SCFD2: variants seen among roughly 807,000 people sequenced by gnomAD.
The protein encoded by SCFD2 is sec1 family domain containing 2, also known as sec1 family domain-containing protein 2.
SCFD2 carries 54 observed loss-of-function variants against 58.9 expected under a neutral mutation model. The observed-to-expected ratio is 0.92, with a 90% CI of 0.74 to 1.15. The LOEUF (loss-of-function observed/expected upper bound fraction) is 1.15. Ranked by LOEUF, SCFD2 falls within the 50% of genes most tolerant of loss-of-function variation. SCFD2 has a pLI of 0.00. For synonymous variants in SCFD2, 321 were observed against 335.9 expected (o/e 0.96, Z 0.49); for missense variants, 805 against 836.6 (o/e 0.96, Z 0.47).
intron 4 of SCFD2, among the ~76,000 whole-genome samples, chr4:53,232,902 G>C (rs1729483216): frequency 6.6e-6 from 1 of 152,158 alleles, no homozygotes; most frequent in African/African-American, 2.4e-5. Flanking sequence ...AACAGAGGGA[G>C]ATAGCAAGGC....
At chr4:52,913,945 C>T (rs1719545888) in intron 6 of SCFD2, among the ~76,000 whole-genome samples, 1 of 152,168 alleles carries the variant, frequency 6.6e-6, no homozygotes, top group African/African-American at 2.4e-5. Flanking sequence ...GAAGAAAAGG[C>T]AATGGAGTTT....
chr4:53,121,550 AG>A (rs1725478159), intron 5 of SCFD2, among the ~76,000 whole-genome samples: 1 of 152,214 alleles, frequency 6.6e-6, no homozygotes, highest in Admixed American at 6.5e-5. Flanking sequence ...AGAAGGATAG[AG>A]GCTGATTGAA....
chr4:53,357,724 G>C (rs1734440493), intron 1 of SCFD2, among the ~76,000 whole-genome samples: 1 of 152,180 alleles, frequency 6.6e-6, no homozygotes, highest in Admixed American at 6.5e-5. Flanking sequence ...TGGAAAAGCA[G>C]ATCGGGGAGA....
chr4:53,032,313 C>T (rs1487773811), intron 5 of SCFD2, among the ~76,000 whole-genome samples: 2 of 152,106 alleles, frequency 1.3e-5, no homozygotes, highest in East Asian at 1.9e-4. Context: ...AGGGAACAAT[C>T]GGTACCAGCC....
intron 5 of SCFD2, among the ~76,000 whole-genome samples, chr4:52,975,747 A>G (rs1353304618): frequency 4.6e-5 from 7 of 152,140 alleles, no homozygotes; most frequent in Non-Finnish European, 1.0e-4. Flanking sequence ...GGCACTATTC[A>G]CAATAGCAAA....
At chr4:52,992,007 A>G (rs982903679) in intron 5 of SCFD2, among the ~76,000 whole-genome samples, 1 of 151,240 alleles carries the variant, frequency 6.6e-6, no homozygotes, top group Non-Finnish European at 1.5e-5. Flanking sequence ...CTCTCCCCAC[A>G]GTCTCCCTCT....
intron 5 of SCFD2, among the ~76,000 whole-genome samples, chr4:53,054,083 C>T (rs1723256877): frequency 6.6e-6 from 1 of 152,084 alleles, no homozygotes; most frequent in Non-Finnish European, 1.5e-5. Context: ...TCTCTTCATC[C>T]TCCCCTCCTC....
chr4:53,231,597 C>A (rs1359889124), intron 4 of SCFD2, among the ~76,000 whole-genome samples: 2 of 152,042 alleles, frequency 1.3e-5, no homozygotes, highest in African/African-American at 4.8e-5. Context: ...ATGAATTATT[C>A]TTAAGGAGAA....
chr4:53,338,462 A>C (rs1274872328), intron 2 of SCFD2, among the ~76,000 whole-genome samples: 2 of 152,130 alleles, frequency 1.3e-5, no homozygotes, highest in African/African-American at 4.8e-5. Flanking sequence ...CCAAGGAAAA[A>C]TTCTGAAAGC....
At chr4:52,969,677 A>C (rs1721048364) in intron 5 of SCFD2, among the ~76,000 whole-genome samples, 1 of 152,146 alleles carries the variant, frequency 6.6e-6, no homozygotes, top group Non-Finnish European at 1.5e-5. Context: ...TGTCCTGATG[A>C]GGTCTGACCC....
At chr4:52,961,803 C>A (rs1332488747) in intron 5 of SCFD2, among the ~76,000 whole-genome samples, 1 of 152,180 alleles carries the variant, frequency 6.6e-6, no homozygotes, top group East Asian at 1.9e-4. Flanking sequence ...TTTCAGCCTG[C>A]AGATTCTGTG....
chr4:53,150,302 T>A (rs1228749156), intron 4 of SCFD2, among the ~76,000 whole-genome samples: 1 of 152,088 alleles, frequency 6.6e-6, no homozygotes, highest in Admixed American at 6.5e-5. Flanking sequence ...TCAGCCAAGA[T>A]AAGGGACTGA....
chr4:53,339,617 A>G (rs958967798), intron 2 of SCFD2, among the ~76,000 whole-genome samples: 3 of 152,086 alleles, frequency 2.0e-5, no homozygotes, highest in Non-Finnish European at 2.9e-5. Context: ...AAAAAACATA[A>G]AAGTTAGCCA....
chr4:53,271,955 C>G (rs192035036), intron 4 of SCFD2, among the ~76,000 whole-genome samples: 10 of 152,288 alleles, frequency 6.6e-5, no homozygotes, highest in Admixed American at 6.5e-4. Flanking sequence ...ATCTACTCAT[C>G]TGACAAATGG....
intron 4 of SCFD2, among the ~76,000 whole-genome samples, chr4:53,188,087 G>A (rs531264965): frequency 6.6e-6 from 1 of 151,950 alleles, no homozygotes. Flanking sequence ...CAACTCAAGG[G>A]AACATCCTAT....
chr4:53,346,267 CTTTT>C (rs1333991064), intron 2 of SCFD2, among the ~76,000 whole-genome samples: 3 of 135,464 alleles, frequency 2.2e-5, no homozygotes, highest in African/African-American at 5.2e-5. Flanking sequence ...GGCCTCAAAT[CTTTT>C]TTTTTCTTTT....
intron 4 of SCFD2, among the ~76,000 whole-genome samples, chr4:53,191,788 G>A (rs1397271866): frequency 1.3e-5 from 2 of 152,186 alleles, no homozygotes; most frequent in African/African-American, 4.8e-5. Flanking sequence ...AAAAAGGTTT[G>A]TCTATTGGAA....
intron 7 of SCFD2, among the ~76,000 whole-genome samples, chr4:52,894,429 C>A (rs967261754): frequency 1.3e-5 from 2 of 152,152 alleles, no homozygotes; most frequent in African/African-American, 2.4e-5. Flanking sequence ...AGACTGAGAT[C>A]CAAACCACAA....
At chr4:53,154,039 C>T (rs1726590130) in intron 4 of SCFD2, among the ~76,000 whole-genome samples, 1 of 152,160 alleles carries the variant, frequency 6.6e-6, no homozygotes, top group African/African-American at 2.4e-5. Flanking sequence ...CCAAACTTCC[C>T]CTCATCTTCC....
Sources: gnomAD v4.1 joint callset for allele counts (sites outside exome capture counted in the v4.1 genomes callset) on GRCh38, gnomAD v4.1.1 for gene constraint, MANE v1.5 for transcripts, NCBI Gene and HGNC (gene_info 2026-07-23, HGNC 2026-07-21) for gene names.